Variants in GCG observed in about 807,000 individuals in gnomAD.
GCG encodes glucagon.
Under a neutral mutation model 22.8 loss-of-function variants are expected in GCG, and 11 were observed. The ratio of observed to expected loss-of-function variants is 0.48; its 90% CI spans 0.30 to 0.80. The LOEUF (loss-of-function observed/expected upper bound fraction) is 0.80, where lower values mean the gene tolerates loss of function less well. Ranked by LOEUF, GCG falls within the 30% of genes least tolerant of loss-of-function variation. The pLI is 0.06. For synonymous variants in GCG, 89 were observed against 72.4 expected (o/e 1.23, Z -1.16); for missense variants, 222 against 222.0 (o/e 1.00, Z 0.00).
chr2:162,143,879 C>G (rs767577325), intron 5 of GCG, 148 bp downstream of exon 5: 1 of 688,922 alleles, frequency 1.5e-6, no homozygotes, highest in Non-Finnish European at 2.6e-6. Flanking sequence ...TAATGATGTA[C>G]TCTTATATGA....
At chr2:162,151,170 A>G (rs1251701524) in intron 1 of GCG, among the ~76,000 whole-genome samples, 1 of 152,096 alleles carries the variant, frequency 6.6e-6, no homozygotes, top group Non-Finnish European at 1.5e-5. Flanking sequence ...TTTTGTAAGA[A>G]CTACAAATTT....
At chr2:162,147,984 G>A (rs1361650150) in intron 2 of GCG, among the ~76,000 whole-genome samples, 2 of 152,052 alleles carry the variant, frequency 1.3e-5, no homozygotes, top group Non-Finnish European at 2.9e-5. Context: ...ACAACTAGAA[G>A]TTCAAAGAAA....
At chr2:162,149,287 G>A (rs1686775064) in intron 1 of GCG, 100 bp from the exon 2 acceptor site, 2 of 672,584 alleles carry the variant, frequency 3.0e-6, no homozygotes, top group Non-Finnish European at 5.3e-6. Context: ...AATATCATAA[G>A]TAGAAGGAAA....
At chr2:162,151,083 A>G (rs533505201) in intron 1 of GCG, among the ~76,000 whole-genome samples, 1 of 152,212 alleles carries the variant, frequency 6.6e-6, no homozygotes, top group South Asian at 2.1e-4. Flanking sequence ...TTATTTTAGT[A>G]TTAAAATCTT....
chr2:162,151,401 T>C lies in GCG; in HGVS notation c.-10+757A>G, dbSNP rs1686835329. Among the ~76,000 whole-genome samples, 4 of 152,268 alleles carry C rather than the reference T, an allele frequency of 2.6e-5. No individual in the cohort carries two copies. The East Asian group carries it at 7.7e-4, about 29-fold the overall frequency. ...ACTTAATCATTTACTCCATCAAAGA[T>C]CTTTGTAAATTTGTTTTTTGTCTCT... On this transcript the variant is annotated intron_variant, in intron 1 of 5. Coordinates refer to ENST00000418842, the MANE Select transcript of GCG (RefSeq NM_002054.5).
intron 2 of GCG, among the ~76,000 whole-genome samples, chr2:162,148,083 A>G (rs2106196975): frequency 6.6e-6 from 1 of 152,294 alleles, no homozygotes; most frequent in South Asian, 2.1e-4. Flanking sequence ...TGGTAAATAC[A>G]TGGGAAAATA....
At chr2:162,148,560 C>G (rs1377385116) in intron 2 of GCG, among the ~76,000 whole-genome samples, 1 of 151,828 alleles carries the variant, frequency 6.6e-6, no homozygotes, top group African/African-American at 2.4e-5. Flanking sequence ...ATATAATGAG[C>G]CAAGAGATAT....
At chr2:162,143,394 A>T (rs909043060) in intron 5 of GCG, 24 bp from the exon 6 acceptor site, 2 of 859,500 alleles carry the variant, frequency 2.3e-6, no homozygotes, top group Middle Eastern at 2.3e-4. Context: ...AAAGAAAATG[A>T]TTTAACATAA....
chr2:162,145,673 T>C lies in GCG; in HGVS notation c.259A>G (p.Asn87Asp), dbSNP rs375023144. Residue 87 changes from asparagine (N) to aspartate (D), a missense_variant, in exon 4 of 6, where the codon AAC becomes GAC. Asn to Asp is a conservative substitution (Grantham distance 23). Coordinates refer to ENST00000418842, the MANE Select transcript of GCG (RefSeq NM_002054.5). ...AATTCATCGTGACGTTTGGCAATGT[T>C]ATTCCTGAAAGAAATGTGAAAGTTA... ...WLMNTKRNRN[N>D]IAKRHDEFER... The C allele has an allele frequency of 5.8e-5, 94 of 1,609,212 alleles. 2 individuals are homozygous for C. The highest frequency in any genetic ancestry group is 1.0e-4 in the South Asian group (9 of 89,954).
At chr2:162,149,041 A>T in intron 2 of GCG, 46 bp downstream of exon 2, 1 of 1,147,856 alleles carries the variant, frequency 8.7e-7, no homozygotes, top group Non-Finnish European at 1.3e-6. Context: ...CACAGGCTTT[A>T]TTCCAACCAT....
rs911351722 is a variant in GCG, at chr2:162,145,523, A to C, written c.392+17T>G. On this transcript the variant is annotated intron_variant, in intron 4 of 5. Transcript: ENST00000418842. ...GCATCAAGGCAAAAAATGTCAAATAAGAATGTACAGACTTACTCTCGCCTT... is the reference window on the plus strand; with the variant it reads ...GCATCAAGGCAAAAAATGTCAAATACGAATGTACAGACTTACTCTCGCCTT... 1.9e-6 allele frequency: 3 copies of C among 1,583,414 alleles called. No homozygotes were observed. The highest frequency in any genetic ancestry group is 1.7e-6 in the Non-Finnish European group (2 of 1,167,644).
chr2:162,149,758 A>C (rs1193397314), intron 1 of GCG, among the ~76,000 whole-genome samples: 2 of 152,270 alleles, frequency 1.3e-5, no homozygotes, highest in East Asian at 3.9e-4. Context: ...GTAATTATAA[A>C]GCGGCCAACA....
chr2:162,147,497 T>C lies in GCG; in HGVS notation c.110A>G (p.Gln37Arg). The C allele has an allele frequency of 1.2e-6, 2 of 1,613,120 alleles. No homozygotes were observed. The highest frequency in any genetic ancestry group is 1.7e-4 in the Middle Eastern group (1 of 6,054). ...EEKSRSFSASQADPLSDPDQM... is the reference protein window; with the variant it reads ...EEKSRSFSASRADPLSDPDQM... ...ATCAGGATCACTGAGTGGGTCTGCC[T>C]GGGAAGCTGAGAATGATCTGTGAAG... The change falls in exon 3 of 6, where the codon CAG becomes CGG. Residue 37 changes from glutamine to arginine, a missense_variant. Transcript: ENST00000418842.
At chr2:162,148,212 G>T (rs182137265) in intron 2 of GCG, among the ~76,000 whole-genome samples, 91 of 152,196 alleles carry the variant, frequency 6.0e-4, no homozygotes, top group Non-Finnish European at 1.5e-4. Context: ...GAGTGTGCAT[G>T]TGTATGAACT....
At position 162,143,087 on chromosome 2, in the gene GCG, T is replaced by C. The variant is rs912025376; in HGVS notation, c.*277A>G. 3.2e-6 allele frequency: 1 copy of C among 309,192 alleles called. No homozygotes were observed. Among genetic ancestry groups the C allele is most frequent in the African/African-American group, 2.2e-5 (1 of 46,344 alleles). 19.2% of individuals were successfully genotyped at this position (309,192 alleles called of 1,614,324 possible). A position where few individuals can be genotyped will look rare whatever the true frequency, so the allele number is the denominator to read the frequency against. ...TATCATAGAAAAATAATTTTATCGC[T>C]AAATGTAAACAGGTTGGGGTACTTC... is the stretch of plus-strand genomic sequence containing the variant. On this transcript the variant is annotated 3_prime_UTR_variant, in exon 6 of 6. Coordinates refer to ENST00000418842, the MANE Select transcript of GCG (RefSeq NM_002054.5).
At chr2:162,148,753 A>G (rs1300433720) in intron 2 of GCG, among the ~76,000 whole-genome samples, 2 of 152,106 alleles carry the variant, frequency 1.3e-5, no homozygotes, top group African/African-American at 2.4e-5. Context: ...TAAAGGAGGA[A>G]AAAAGAGAAA....
At chr2:162,144,195 G>A (rs886665501) in intron 4 of GCG, 25 bp from the exon 5 acceptor site, 57 of 1,581,224 alleles carry the variant, frequency 3.6e-5, no homozygotes, top group Non-Finnish European at 4.9e-5. Flanking sequence ...GTTAAAATTA[G>A]CGTTTGATTA....
chr2:162,151,965 G>A (rs1356739592), intron 1 of GCG, among the ~76,000 whole-genome samples, 193 bp downstream of exon 1: 2 of 151,576 alleles, frequency 1.3e-5, no homozygotes, highest in Admixed American at 6.6e-5. Context: ...TTTCCAACTC[G>A]CTTTGCGGCT....
chr2:162,149,494 C>T (rs1686781555), intron 1 of GCG, among the ~76,000 whole-genome samples: 1 of 151,974 alleles, frequency 6.6e-6, no homozygotes, highest in South Asian at 2.1e-4. Context: ...TTAAAATGTC[C>T]ACAATCAACA....
Sources: gnomAD v4.1 joint callset for allele counts (sites outside exome capture counted in the v4.1 genomes callset) on GRCh38, gnomAD v4.1.1 for gene constraint, MANE v1.5 for transcripts, NCBI Gene and HGNC (gene_info 2026-07-23, HGNC 2026-07-21) for gene names.